The following ABCB1 variants were observed in gnomAD, a reference collection of about 807,000 sequenced individuals.
ABCB1 encodes ATP binding cassette subfamily B member 1.
ABCB1 carries 69 observed loss-of-function variants against 142.0 expected under a neutral mutation model. The ratio of observed to expected loss-of-function variants is 0.49; its 90% CI spans 0.40 to 0.59. ABCB1 has a LOEUF of 0.59. Among genes scored for constraint, ABCB1 ranks in the 20% least tolerant of loss-of-function variants. The pLI, the probability that ABCB1 is intolerant of heterozygous loss-of-function variation, is 0.00. For missense variants in ABCB1, 1,326 were observed against 1,554.7 expected (o/e 0.85, Z 2.47); for synonymous variants, 532 against 539.2 (o/e 0.99, Z 0.18).
intron 21 of ABCB1, among the ~76,000 whole-genome samples, chr7:87,523,092 G>C (rs1342918992): frequency 6.6e-6 from 1 of 152,022 alleles, no homozygotes; most frequent in Non-Finnish European, 1.5e-5. Context: ...AAATTAATAA[G>C]TCAAAGAAAA....
intron 14 of ABCB1, among the ~76,000 whole-genome samples, chr7:87,546,272 T>C (rs937105282): frequency 1.3e-5 from 2 of 152,240 alleles, no homozygotes. Context: ...AAATATTTTA[T>C]TTAACCTAAA....
At chr7:87,510,479 G>A (rs922811352) in intron 25 of ABCB1, among the ~76,000 whole-genome samples, 2 of 152,250 alleles carry the variant, frequency 1.3e-5, no homozygotes, top group African/African-American at 4.8e-5. Context: ...GCCCTACTCT[G>A]ATGCAAATAT....
chr7:87,623,008 A>T (rs988417182), intron 1 of ABCB1, among the ~76,000 whole-genome samples: 1 of 152,046 alleles, frequency 6.6e-6, no homozygotes, highest in Non-Finnish European at 1.5e-5. Context: ...TACCCACTGT[A>T]CTCCATCTTG....
intron 1 of ABCB1, among the ~76,000 whole-genome samples, chr7:87,637,104 C>A (rs1487054268): frequency 1.3e-5 from 2 of 152,194 alleles, no homozygotes; most frequent in Non-Finnish European, 2.9e-5. Context: ...TACCTCCCAT[C>A]TGCTCCCTCC....
chr7:87,551,957 A>T (rs923349315), intron 9 of ABCB1, among the ~76,000 whole-genome samples: 1 of 152,196 alleles, frequency 6.6e-6, no homozygotes, highest in African/African-American at 2.4e-5. Flanking sequence ...TTGTTAGGCC[A>T]TTCTCTTAGA....
chr7:87,612,055 T>G (rs1042527556), intron 1 of ABCB1, among the ~76,000 whole-genome samples: 3 of 152,192 alleles, frequency 2.0e-5, no homozygotes, highest in African/African-American at 7.2e-5. Context: ...GCACAGGTAG[T>G]ATTATGATTA....
intron 23 of ABCB1, among the ~76,000 whole-genome samples, chr7:87,517,938 A>G (rs529421345): frequency 1.3e-4 from 20 of 152,298 alleles, no homozygotes; most frequent in African/African-American, 4.8e-4. Flanking sequence ...TGAAGAAAAA[A>G]TTTACTTCCT....
upstream of ABCB1, among the ~76,000 whole-genome samples, chr7:87,605,656 G>T (rs1231265938): frequency 1.3e-5 from 2 of 152,152 alleles, no homozygotes; most frequent in African/African-American, 2.4e-5. Context: ...TAGCTGTGTG[G>T]CTTTGAAGAA....
intron 4 of ABCB1, among the ~76,000 whole-genome samples, chr7:87,578,387 T>C (rs1379211269): frequency 6.6e-6 from 1 of 152,214 alleles, no homozygotes; most frequent in Non-Finnish European, 1.5e-5. Flanking sequence ...AGGATAGCTT[T>C]GGCTATTCTG....
chr7:87,615,609 G>A (rs1234616061), intron 1 of ABCB1, among the ~76,000 whole-genome samples: 1 of 152,214 alleles, frequency 6.6e-6, no homozygotes, highest in Non-Finnish European at 1.5e-5. Flanking sequence ...GCCCAGGGGA[G>A]TGTAATAGTG....
In ABCB1 at chr7:87,631,873, G is replaced by C. The variant is rs117329945; in HGVS notation, c.-330-30795C>G. On this transcript the variant is annotated intron_variant, in intron 1 of 28. Coordinates refer to the ABCB1 transcript ENST00000265724. ...TTGTCTGTAAAATAATATTGGACTA[G>C]ATCATTGTTAACCTTCAATTATAGG... 5.0e-3 allele frequency among the ~76,000 whole-genome samples: 755 copies of C among 152,232 alleles called. 4 individuals are homozygous for C. The highest frequency in any genetic ancestry group is 0.015 in the Admixed American group (236 of 15,286).
At chr7:87,607,520 AT>A (rs1283378943) in intron 1 of ABCB1, among the ~76,000 whole-genome samples, 2 of 151,830 alleles carry the variant, frequency 1.3e-5, no homozygotes, top group Admixed American at 6.6e-5. Flanking sequence ...CTGGGGAATT[AT>A]TTTTTTCTTT....
Position 87,595,751 on chromosome 7 carries a change from A to C in ABCB1, c.117+15T>G. 1 of 1,588,726 alleles carries C rather than the reference A, an allele frequency of 6.3e-7. No homozygotes were observed. Among genetic ancestry groups the C allele is most frequent in the Non-Finnish European group, 8.6e-7 (1 of 1,157,630 alleles). ...TTCCGAAGTATTTTGAATAGTTAAT[A>C]AATTCAAAACTCACCATTGAAAATA... On this transcript the variant is annotated intron_variant, in intron 3 of 27. Transcript: ENST00000622132.
At chr7:87,644,526 C>T (rs573641590) in intron 1 of ABCB1, among the ~76,000 whole-genome samples, 2 of 152,238 alleles carry the variant, frequency 1.3e-5, no homozygotes, top group African/African-American at 2.4e-5. Flanking sequence ...TGACTTTAAC[C>T]TTTGTGAGCC....
chr7:87,585,720 TAC>T, intron 3 of ABCB1, 40 bp from the exon 4 acceptor site: 4 of 1,599,266 alleles, frequency 2.5e-6, no homozygotes, highest in Non-Finnish European at 3.4e-6. Flanking sequence ...GAAAAATTAG[TAC>T]AGTTTCATGG....
At position 87,548,349 on chromosome 7, in the gene ABCB1, A is replaced by G. The variant is rs193141814; in HGVS notation, c.1725+999T>C. Among the ~76,000 whole-genome samples the G allele has an allele frequency of 9.3e-4, 134 of 144,526 alleles. No homozygotes were observed. In the Middle Eastern group the frequency reaches 0.01, roughly 11 times the overall value. The allele number at this position is 144,526 out of a possible 152,430, so 94.8% of individuals were successfully genotyped here. On this transcript the variant is annotated intron_variant, in intron 14 of 27. Transcript: ENST00000622132. ...GGAAGAGCAAGAGAGGGAGGGATTG[A>G]GGGAGGGAGGGAAGGAAGGAAGGAA...
chr7:87,548,445 T>C (rs1816902870), intron 14 of ABCB1, among the ~76,000 whole-genome samples: 1 of 152,112 alleles, frequency 6.6e-6, no homozygotes, highest in Non-Finnish European at 1.5e-5. Flanking sequence ...GGAAAAATAG[T>C]AACCAGAATC....
intron 1 of ABCB1, among the ~76,000 whole-genome samples, chr7:87,669,811 G>A (rs1414217834): frequency 6.6e-6 from 1 of 152,112 alleles, no homozygotes; most frequent in East Asian, 1.9e-4. Flanking sequence ...AATCTCTTCT[G>A]GCTTGTAGGG....
intron 7 of ABCB1, chr7:87,563,300 C>A: frequency 2.3e-6 from 1 of 428,036 alleles, no homozygotes; most frequent in South Asian, 1.7e-5. Flanking sequence ...GGACTCCTCT[C>A]TGACCCATTC....
Sources: gnomAD v4.1 joint callset for allele counts (sites outside exome capture counted in the v4.1 genomes callset) on GRCh38, gnomAD v4.1.1 for gene constraint, MANE v1.5 for transcripts, NCBI Gene and HGNC (gene_info 2026-07-23, HGNC 2026-07-21) for gene names.